The following RAB40C variants were observed in gnomAD, a reference collection of about 807,000 sequenced individuals.
The protein encoded by RAB40C is RAB40C, member RAS oncogene family, also known as ras-related protein Rab-40C.
In RAB40C, 8 loss-of-function variants were observed where a neutral mutation model predicts 28.1. The ratio of observed to expected loss-of-function variants is 0.28; its 90% CI spans 0.17 to 0.51. The LOEUF (loss-of-function observed/expected upper bound fraction) is 0.51, where lower values mean the gene tolerates loss of function less well. Ranked by LOEUF, RAB40C falls within the 20% of genes least tolerant of loss-of-function variation. RAB40C has a pLI of 0.97. For missense variants in RAB40C, 288 were observed against 405.9 expected (o/e 0.71, Z 2.50); for synonymous variants, 201 against 171.7 (o/e 1.17, Z -1.34).
At chr16:626,606 CAG>C (rs1295360912) in intron 5 of RAB40C, among the ~76,000 whole-genome samples, 8 of 152,290 alleles carry the variant, frequency 5.3e-5, no homozygotes, top group Admixed American at 3.9e-4. Flanking sequence ...CACTGCTGAA[CAG>C]AGAGAGGGTG....
Position 625,713 on chromosome 16 carries a change from G to A in RAB40C, c.343-186G>A, listed in dbSNP as rs138290883. 180 of 822,640 alleles carry A rather than the reference G, an allele frequency of 2.2e-4. 1 individual carries two copies. The African/African-American group carries it at 2.8e-3, about 13-fold the overall frequency. 51.0% of individuals were successfully genotyped at this position (822,640 alleles called of 1,614,324 possible). A position where few individuals can be genotyped will look rare whatever the true frequency, so the allele number is the denominator to read the frequency against. On this transcript the variant is annotated intron_variant, in intron 4 of 5. Coordinates refer to ENST00000248139, the MANE Select transcript of RAB40C (RefSeq NM_021168.5). The stretch of plus-strand genomic sequence containing the variant: ...GGAGCCCAGCAAGACCAGGAGCTAC[G>A]GGGCCACCCGGAAGGGCTGCACTGT...
intron 3 of RAB40C, among the ~76,000 whole-genome samples, chr16:623,544 C>T (rs959662530): frequency 2.6e-5 from 4 of 151,548 alleles, no homozygotes; most frequent in African/African-American, 9.7e-5. Flanking sequence ...GTCCCAGCTA[C>T]TCAGGAGACT....
At chr16:595,131 C>T (rs1205663096) in intron 1 of RAB40C, among the ~76,000 whole-genome samples, 4 of 152,154 alleles carry the variant, frequency 2.6e-5, no homozygotes, top group Non-Finnish European at 5.9e-5. Flanking sequence ...TGTGAGGTGC[C>T]GGGTTTTCCA....
rs1317149787 is a variant in RAB40C, at chr16:590,174, T to C, written c.-118T>C. 6.4e-5 allele frequency: 47 copies of C among 734,168 alleles called. No individual in the cohort carries two copies. Among genetic ancestry groups the C allele is most frequent in the Non-Finnish European group, 7.8e-5 (47 of 599,000 alleles). 45.5% of individuals were successfully genotyped at this position (734,168 alleles called of 1,614,324 possible). A position where few individuals can be genotyped will look rare whatever the true frequency, so the allele number is the denominator to read the frequency against. Reference sequence around the variant, plus strand: ...GGCGCTGGGCTTCGGGCGCGCCCACTCGGCCGCCGTGGGGCGGACGCAACG... The same window carrying C: ...GGCGCTGGGCTTCGGGCGCGCCCACCCGGCCGCCGTGGGGCGGACGCAACG... On this transcript the variant is annotated 5_prime_UTR_variant, in exon 1 of 6. Transcript: ENST00000248139.
chr16:592,492 C>T (rs1239594981), intron 1 of RAB40C, among the ~76,000 whole-genome samples: 2 of 152,144 alleles, frequency 1.3e-5, no homozygotes, highest in Non-Finnish European at 2.9e-5. Flanking sequence ...AGTGTAAGGC[C>T]CACTGGGGCA....
intron 1 of RAB40C, among the ~76,000 whole-genome samples, chr16:605,647 G>A (rs1388468844): frequency 1.3e-5 from 2 of 152,164 alleles, no homozygotes; most frequent in African/African-American, 2.4e-5. Flanking sequence ...CTCCTTCCCC[G>A]CGCCGAGTGG....
rs762965438 is a variant in RAB40C, at chr16:627,639, C to T, written c.*17C>T. On this transcript the variant is annotated 3_prime_UTR_variant, in exon 6 of 6. Transcript: ENST00000248139. ...ATCTCCTAGCGGGGATGGGCGGGGC[C>T]GCCTGTGCAGATGCCAGGAGGGCTC... 251 of 1,558,350 alleles carry T rather than the reference C, an allele frequency of 1.6e-4. 1 individual carries two copies. The highest frequency in any genetic ancestry group is 3.6e-5 in the Admixed American group (2 of 55,406).
chr16:619,345 T>C (rs2036662689), intron 3 of RAB40C, among the ~76,000 whole-genome samples: 1 of 151,740 alleles, frequency 6.6e-6, no homozygotes, highest in Admixed American at 6.6e-5. Context: ...TGTGCAGCCA[T>C]GTGCACAGGT....
chr16:596,168 G>A (rs1036599761), intron 1 of RAB40C: 8 of 389,836 alleles, frequency 2.1e-5, no homozygotes, highest in Non-Finnish European at 3.1e-5. Flanking sequence ...GACTCGTGTC[G>A]AGCACACGTG....
Position 625,992 on chromosome 16 carries a change from GAGA to G in RAB40C, c.441_443del (p.Lys147del), listed in dbSNP as rs2036821866. 2 of 1,613,316 alleles carry G rather than the reference GAGA, an allele frequency of 1.2e-6. No individual in the cohort carries two copies. The highest frequency in any genetic ancestry group is 8.5e-7 in the Non-Finnish European group (1 of 1,180,006). On this transcript the variant is annotated inframe_deletion, in exon 5 of 6. Transcript: ENST00000248139. ...GACGGAGCAGGCCCGCGCGTACGCA[GAGA>G]AGAACTGCATGACCTTCTTTGAGGT...
At chr16:615,737 G>A (rs981570674) in intron 1 of RAB40C, among the ~76,000 whole-genome samples, 18 of 152,208 alleles carry the variant, frequency 1.2e-4, no homozygotes, top group Admixed American at 2.6e-4. Flanking sequence ...CAAGGCGGGC[G>A]AATCACCTGA....
intron 1 of RAB40C, among the ~76,000 whole-genome samples, chr16:592,278 C>T (rs1321338593): frequency 6.6e-6 from 1 of 152,228 alleles, no homozygotes; most frequent in Non-Finnish European, 1.5e-5. Flanking sequence ...AGTGTGGGCG[C>T]AGCATCCCCC....
chr16:597,779 T>C (rs965791418), intron 1 of RAB40C, among the ~76,000 whole-genome samples: 11 of 151,758 alleles, frequency 7.2e-5, no homozygotes, highest in South Asian at 2.1e-4. Flanking sequence ...CATGAGCCAC[T>C]GTGCCCAGCC....
At chr16:596,886 C>T (rs1239988026) in intron 1 of RAB40C, among the ~76,000 whole-genome samples, 2 of 152,188 alleles carry the variant, frequency 1.3e-5, no homozygotes, top group Non-Finnish European at 2.9e-5. Flanking sequence ...CTGAGCCGAC[C>T]TGGGGATGGC....
At chr16:608,734 A>G (rs906688858) in intron 1 of RAB40C, among the ~76,000 whole-genome samples, 3 of 152,208 alleles carry the variant, frequency 2.0e-5, no homozygotes, top group Non-Finnish European at 2.9e-5. Flanking sequence ...TTAGCTGGGC[A>G]TGGTGGCGGG....
intron 1 of RAB40C, among the ~76,000 whole-genome samples, chr16:609,339 GGGGGACAGGGTGGCA>G (rs369788859): frequency 1.3e-3 from 200 of 152,230 alleles, no homozygotes; most frequent in African/African-American, 4.6e-3. Context: ...TGGGGATGGT[GGGGGACAGGGTGGCA>G]GGGGACAGGG....
intron 1 of RAB40C, among the ~76,000 whole-genome samples, chr16:607,313 A>G (rs576201438): frequency 6.6e-6 from 1 of 152,032 alleles, no homozygotes; most frequent in South Asian, 2.1e-4. Flanking sequence ...CCTGGCCAAC[A>G]TGGTGAAACC....
intron 1 of RAB40C, among the ~76,000 whole-genome samples, chr16:591,173 G>A (rs1435346217): frequency 6.8e-6 from 1 of 147,320 alleles, no homozygotes; most frequent in African/African-American, 2.5e-5. Context: ...GGATCTCAGG[G>A]GAAGGTGTCA....
intron 1 of RAB40C, among the ~76,000 whole-genome samples, chr16:599,695 C>CA (rs1459914185): frequency 2.0e-5 from 2 of 99,212 alleles, no homozygotes; most frequent in South Asian, 4.3e-4. Context: ...AGCGTGGATT[C>CA]GCAAGGTTTT....
Sources: gnomAD v4.1 joint callset for allele counts (sites outside exome capture counted in the v4.1 genomes callset) on GRCh38, gnomAD v4.1.1 for gene constraint, MANE v1.5 for transcripts, NCBI Gene and HGNC (gene_info 2026-07-23, HGNC 2026-07-21) for gene names.